CCDC18: variants seen among roughly 807,000 people sequenced by gnomAD.
CCDC18 encodes coiled-coil domain containing 18.
A neutral mutation model predicts 196.0 loss-of-function variants in CCDC18; 157 were observed. That is an observed-to-expected ratio of 0.80 (90% CI 0.70 to 0.91). The LOEUF (loss-of-function observed/expected upper bound fraction) is 0.91, where lower values mean the gene tolerates loss of function less well. CCDC18 is among the 40% of genes least tolerant of loss of function. The pLI, the probability that CCDC18 is intolerant of heterozygous loss-of-function variation, is 0.00. For missense variants in CCDC18, 1,465 were observed against 1,611.6 expected, an observed-to-expected ratio of 0.91 and a Z score of 1.56; for synonymous variants, 482 against 529.2, an observed-to-expected ratio of 0.91 and a Z score of 1.22.
At chr1:93,266,041 G>C (rs1221994050) in intron 27 of CCDC18, among the ~76,000 whole-genome samples, 1 of 152,150 alleles carries the variant, frequency 6.6e-6, no homozygotes, top group African/African-American at 2.4e-5. Context: ...CACATAGTTG[G>C]AAATAAAGCA....
At chr1:93,220,366 T>C (rs671559) in intron 14 of CCDC18, among the ~76,000 whole-genome samples, 26,207 of 152,140 alleles carry the variant, frequency 0.17, 2,484 homozygotes, top group African/African-American at 0.22. Context: ...AGCAGACTTG[T>C]TCTAAAAGAG....
At chr1:93,271,313 C>A in intron 28 of CCDC18, 3 of 985,270 alleles carry the variant, frequency 3.0e-6, no homozygotes, top group Non-Finnish European at 3.6e-6. Flanking sequence ...CTGTCCTCAT[C>A]CTTATAATTT....
chr1:93,243,227 G>A (rs924864419), intron 21 of CCDC18, among the ~76,000 whole-genome samples: 10 of 152,200 alleles, frequency 6.6e-5, no homozygotes, highest in African/African-American at 2.4e-4. Flanking sequence ...TGAAATCTAG[G>A]TGGAGGTTCC....
chr1:93,264,000 G>C (rs1190167592), intron 26 of CCDC18, among the ~76,000 whole-genome samples: 1 of 152,126 alleles, frequency 6.6e-6, no homozygotes, highest in Non-Finnish European at 1.5e-5. Flanking sequence ...ATAAAGAAAA[G>C]AGGTTTAATT....
chr1:93,211,059 G>A (rs1655539787), intron 10 of CCDC18, 133 bp downstream of exon 10: 3 of 829,622 alleles, frequency 3.6e-6, no homozygotes, highest in Non-Finnish European at 5.6e-6. Flanking sequence ...GGCGGATCAC[G>A]AGGTCAGGAG....
At chr1:93,270,871 A>G in intron 28 of CCDC18, 57 bp downstream of exon 28, 1 of 1,379,170 alleles carries the variant, frequency 7.3e-7, no homozygotes, top group East Asian at 2.6e-5. Flanking sequence ...ATATCATTTT[A>G]TTACTTGGAA....
In CCDC18 at chr1:93,239,744, A is replaced by G. The variant is rs757179144; in HGVS notation, c.2829A>G (p.Lys943=). The change falls in exon 21 of 29, where the codon AAA becomes AAG. Residue 943 remains lysine, a synonymous_variant. Transcript: ENST00000690025. ...CTGAACTAACAGAAGCCTTGCAAAAACGGGAAGTACTTGAGACTGAACTAC... is the reference window on the plus strand; with the variant it reads ...CTGAACTAACAGAAGCCTTGCAAAAGCGGGAAGTACTTGAGACTGAACTAC... ...TETELTEALQ[K]REVLETELQN... 1.1e-5 allele frequency: 17 copies of G among 1,613,776 alleles called. No homozygotes were observed. The highest frequency in any genetic ancestry group is 1.4e-5 in the Non-Finnish European group (16 of 1,179,876).
At chr1:93,275,668 G>T (rs1290717021) in intron 28 of CCDC18, among the ~76,000 whole-genome samples, 1 of 152,166 alleles carries the variant, frequency 6.6e-6, no homozygotes, top group Non-Finnish European at 1.5e-5. Context: ...ACTCATGGCT[G>T]CTCATGCAAA....
At chr1:93,185,755 ACTTTTT>A (rs1327814827) in intron 3 of CCDC18, among the ~76,000 whole-genome samples, 1 of 151,988 alleles carries the variant, frequency 6.6e-6, no homozygotes, top group African/African-American at 2.4e-5. Context: ...TTCTGTGTAT[ACTTTTT>A]CTTTTATATA....
chr1:93,270,399 A>G lies in CCDC18; in HGVS notation c.3938A>G (p.Glu1313Gly). 6.5e-7 allele frequency: 1 copy of G among 1,550,206 alleles called. No individual in the cohort carries two copies. Among genetic ancestry groups the G allele is most frequent in the Non-Finnish European group, 8.7e-7 (1 of 1,146,814 alleles). Residue 1313 changes from glutamate (E) to glycine (G), a missense_variant, in exon 28 of 29, where the codon GAA becomes GGA. Glu to Gly is a moderately conservative substitution (Grantham distance 98, BLOSUM62 -2). Coordinates refer to ENST00000690025, the MANE Select transcript of CCDC18 (RefSeq NM_001378204.1). ...QAKISGHEKA[E>G]DIKFLPAPFT... ...AAAATTTCTGGACATGAAAAGGCAG[A>G]AGACATCAAGTTTCTGCCAGCCCCA... is the stretch of plus-strand genomic sequence containing the variant.
rs190798564 is a variant in CCDC18 at position 93,187,804 on chromosome 1, A to C, written c.462+1301A>C. On this transcript the variant is annotated intron_variant, in intron 4 of 28. Coordinates refer to ENST00000690025, the MANE Select transcript of CCDC18 (RefSeq NM_001378204.1). ...GAAATAATGTTTTTCAAGCATTTAC[A>C]TTTGGTTCCTCATCTTTTCTTGGTC... Among the ~76,000 whole-genome samples the C allele has an allele frequency of 7.2e-5, 11 of 152,286 alleles. No homozygotes were observed. In the East Asian group the frequency reaches 1.7e-3, roughly 24 times the overall value.
intron 17 of CCDC18, among the ~76,000 whole-genome samples, chr1:93,226,665 C>G (rs1658390048): frequency 6.6e-6 from 1 of 151,860 alleles, no homozygotes; most frequent in Non-Finnish European, 1.5e-5. Context: ...TCCTGTGTAG[C>G]TAGGATTACA....
chr1:93,226,656 C>G (rs1658386994), intron 17 of CCDC18, among the ~76,000 whole-genome samples: 1 of 151,834 alleles, frequency 6.6e-6, no homozygotes, highest in Non-Finnish European at 1.5e-5. Context: ...GCCTCAGCCT[C>G]CTGTGTAGCT....
chr1:93,192,307 A>T (rs1651953899), intron 5 of CCDC18, among the ~76,000 whole-genome samples: 1 of 152,244 alleles, frequency 6.6e-6, no homozygotes, highest in Admixed American at 6.5e-5. Context: ...GGGGCTAAAA[A>T]GACTAAGGTG....
chr1:93,252,655 T>A (rs1040805780), intron 23 of CCDC18, among the ~76,000 whole-genome samples: 4 of 152,238 alleles, frequency 2.6e-5, no homozygotes, highest in Admixed American at 2.6e-4. Flanking sequence ...AAGGTTGTAT[T>A]TCTTTCAATG....
rs1236299831 is a variant in CCDC18 at position 93,246,844 on chromosome 1, C to T, written c.3088C>T (p.His1030Tyr). ...GTTTAAGGTTATTTTTTAGGTTACA[C>T]ATTTGGATATGACTATTCGTGAGCA... is the stretch of plus-strand genomic sequence containing the variant. ...ELKQRAAQVTHLDMTIREHRG... is the reference protein window; with the variant it reads ...ELKQRAAQVTYLDMTIREHRG... The change falls in exon 23 of 29, where the codon CAT becomes TAT. Residue 1030 changes from histidine to tyrosine, a missense_variant. His to Tyr is a moderately conservative substitution (Grantham distance 83). Coordinates refer to ENST00000690025, the MANE Select transcript of CCDC18 (RefSeq NM_001378204.1). The T allele has an allele frequency of 1.4e-6, 2 of 1,426,634 alleles. No homozygotes were observed. The highest frequency in any genetic ancestry group is 2.8e-5 in the African/African-American group (2 of 70,228). The allele number at this position is 1,426,634 out of a possible 1,614,324, so 88.4% of individuals were successfully genotyped here. A position where few individuals can be genotyped will look rare whatever the true frequency, so the allele number is the denominator to read the frequency against.
At position 93,264,859 on chromosome 1, in the gene CCDC18, G is replaced by A. The variant is rs150053356; in HGVS notation, c.3843G>A (p.Arg1281=). 7.5e-3 allele frequency: 12,145 copies of A among 1,613,256 alleles called. 59 individuals are homozygous for A. The highest frequency in any genetic ancestry group is 8.8e-3 in the Non-Finnish European group (10,328 of 1,179,458). The stretch of plus-strand genomic sequence containing the variant: ...ATTTGCATCAACAAGTCCAAGATAG[G>A]AATGAAGTAATTGAAGCTGCAAATG... ...VSNLHQQVQD[R]NEVIEAANEA... The change falls in exon 27 of 29, where the codon AGG becomes AGA. Residue 1281 remains arginine (R), a synonymous_variant. Coordinates refer to ENST00000690025, the MANE Select transcript of CCDC18 (RefSeq NM_001378204.1).
chr1:93,218,094 A>T (rs1319524309), intron 14 of CCDC18, among the ~76,000 whole-genome samples: 6 of 152,332 alleles, frequency 3.9e-5, no homozygotes, highest in Middle Eastern at 3.4e-3. Flanking sequence ...TTAAAGTAAG[A>T]GTAATTCTGT....
chr1:93,229,876 C>G (rs1046970931), intron 17 of CCDC18, among the ~76,000 whole-genome samples: 5 of 151,950 alleles, frequency 3.3e-5, no homozygotes, highest in African/African-American at 7.2e-5. Flanking sequence ...AAAGTAGATG[C>G]GACTAAGCCT....
Sources: gnomAD v4.1 joint callset for allele counts (sites outside exome capture counted in the v4.1 genomes callset) on GRCh38, gnomAD v4.1.1 for gene constraint, MANE v1.5 for transcripts, NCBI Gene and HGNC (gene_info 2026-07-23, HGNC 2026-07-21) for gene names.